RAPGEF4: variants seen among roughly 807,000 people sequenced by gnomAD.
RAPGEF4 encodes the protein RAP guanine-nucleotide-exchange factor (GEF) 4.
A neutral mutation model predicts 147.9 loss-of-function variants in RAPGEF4; 66 were observed. The observed-to-expected ratio is 0.45, with a 90% CI of 0.37 to 0.55. The LOEUF is 0.55. Among genes scored for constraint, RAPGEF4 ranks in the 20% least tolerant of loss-of-function variants. The pLI, the probability that RAPGEF4 is intolerant of heterozygous loss-of-function variation, is 0.00. For missense variants in RAPGEF4, 1,071 were observed against 1,257.3 expected (o/e 0.85, Z 2.24); for synonymous variants, 419 against 442.7 (o/e 0.95, Z 0.67).
intron 1 of RAPGEF4, among the ~76,000 whole-genome samples, chr2:172,780,958 A>T (rs1684628142): frequency 6.6e-6 from 1 of 152,140 alleles, no homozygotes; most frequent in South Asian, 2.1e-4. Flanking sequence ...CACTTCTTTC[A>T]TATTCATAAC....
intron 4 of RAPGEF4, among the ~76,000 whole-genome samples, chr2:172,816,644 A>G (rs1047784736): frequency 6.6e-5 from 10 of 152,188 alleles, no homozygotes; most frequent in African/African-American, 1.4e-4. Context: ...TGTCCTTGCT[A>G]TCTAAAACCT....
rs200860758 is a variant in RAPGEF4, at chr2:172,814,280, A to T, written c.299A>T (p.Asp100Val). The change falls in exon 4 of 31, where the codon GAT (aspartate) becomes GTT (valine). Residue 100 changes from aspartate (D) to valine (V), a missense_variant and splice_region_variant. Coordinates refer to ENST00000397081, the MANE Select transcript of RAPGEF4 (RefSeq NM_007023.4). ...TGACTAGTTTTTTGGGATCCTCAGG[A>T]TGCTGTGACCATCTGTACCCTGGGA... ...VKVSETSSHQ[D>V]AVTICTLGIG... The T allele has an allele frequency of 3.1e-6, 5 of 1,614,150 alleles. No homozygotes were observed. The highest frequency in any genetic ancestry group is 3.4e-6 in the Non-Finnish European group (4 of 1,179,988).
At chr2:172,778,678 T>TGTATCCCA (rs1269580218) in intron 1 of RAPGEF4, among the ~76,000 whole-genome samples, 1 of 152,224 alleles carries the variant, frequency 6.6e-6, no homozygotes, top group Admixed American at 6.5e-5. Flanking sequence ...GCTTTAGAAC[T>TGTATCCCA]GTATTATTTT....
chr2:173,050,043 T>C (rs528837716), intron 30 of RAPGEF4, among the ~76,000 whole-genome samples: 132 of 152,330 alleles, frequency 8.7e-4, no homozygotes, highest in Admixed American at 1.9e-3. Flanking sequence ...TAATATGCTT[T>C]GTTTTATGAG....
intron 6 of RAPGEF4, among the ~76,000 whole-genome samples, chr2:172,942,311 A>G (rs1393900018): frequency 6.6e-6 from 1 of 151,494 alleles, no homozygotes; most frequent in Non-Finnish European, 1.5e-5. Context: ...TTCTGGTAAT[A>G]TATTTTTAAA....
At chr2:172,847,369 G>A (rs1692313508) in intron 4 of RAPGEF4, among the ~76,000 whole-genome samples, 2 of 152,188 alleles carry the variant, frequency 1.3e-5, no homozygotes, top group Non-Finnish European at 1.5e-5. Flanking sequence ...CAGGGTGACT[G>A]TACCCAGATG....
At chr2:172,906,277 G>A (rs1699620326) in intron 4 of RAPGEF4, among the ~76,000 whole-genome samples, 1 of 152,116 alleles carries the variant, frequency 6.6e-6, no homozygotes, top group Non-Finnish European at 1.5e-5. Flanking sequence ...GAACCTAGTG[G>A]AACATAATGA....
At position 173,017,207 on chromosome 2, in the gene RAPGEF4, A is replaced by C; in HGVS notation, c.1929+3A>C. Reference sequence around the variant, plus strand: ...ATGCAAAGGCACCACAAAAGAAGGTAGGTGGCATGAACTTGCATTCTCTGT... The same window carrying C: ...ATGCAAAGGCACCACAAAAGAAGGTCGGTGGCATGAACTTGCATTCTCTGT... On this transcript the variant is annotated splice_donor_region_variant and intron_variant, in intron 20 of 30. Coordinates refer to ENST00000397081, the MANE Select transcript of RAPGEF4 (RefSeq NM_007023.4). 6.2e-7 allele frequency: 1 copy of C among 1,612,916 alleles called. No individual in the cohort carries two copies. Among genetic ancestry groups the C allele is most frequent in the Non-Finnish European group, 8.5e-7 (1 of 1,178,818 alleles).
intron 4 of RAPGEF4, among the ~76,000 whole-genome samples, chr2:172,860,796 T>C (rs3769295): frequency 0.15 from 23,533 of 152,206 alleles, 2,167 homozygotes; most frequent in East Asian, 0.25. Context: ...TATTGTTTCA[T>C]ATCTGTTATT....
intron 1 of RAPGEF4, among the ~76,000 whole-genome samples, chr2:172,738,704 A>G (rs947642504): frequency 7.2e-5 from 11 of 152,180 alleles, no homozygotes; most frequent in African/African-American, 2.7e-4. Flanking sequence ...CAATGAACCC[A>G]TGTGGGTTCA....
At chr2:172,874,658 T>C (rs568495563) in intron 4 of RAPGEF4, among the ~76,000 whole-genome samples, 1 of 152,294 alleles carries the variant, frequency 6.6e-6, no homozygotes, top group African/African-American at 2.4e-5. Context: ...TGTTGGACAT[T>C]TGGGTTGGTT....
intron 10 of RAPGEF4, 81 bp from the exon 11 acceptor site, chr2:172,983,415 T>G: frequency 6.5e-7 from 1 of 1,543,964 alleles, no homozygotes; most frequent in Non-Finnish European, 8.6e-7. Flanking sequence ...AGCATGTTAC[T>G]GATGCCTGGA....
intron 4 of RAPGEF4, among the ~76,000 whole-genome samples, chr2:172,815,111 C>T (rs573215695): frequency 2.0e-5 from 3 of 152,346 alleles, no homozygotes; most frequent in South Asian, 4.1e-4. Context: ...CTTTTACACT[C>T]GTTCTTTTCA....
intron 16 of RAPGEF4, among the ~76,000 whole-genome samples, chr2:173,000,072 GT>G (rs1693752205): frequency 6.6e-6 from 1 of 152,170 alleles, no homozygotes. Flanking sequence ...GGTGCTAGAT[GT>G]TAAGCTCAGG....
In RAPGEF4 at chr2:173,044,120, G is replaced by A. The variant is rs141070880; in HGVS notation, c.2854-4480G>A. 3.9e-3 allele frequency among the ~76,000 whole-genome samples: 596 copies of A among 152,272 alleles called. 2 individuals carry two copies. The highest frequency in any genetic ancestry group is 0.014 in the African/African-American group (566 of 41,548). On this transcript the variant is annotated intron_variant, in intron 29 of 30. Coordinates refer to ENST00000397081, the MANE Select transcript of RAPGEF4 (RefSeq NM_007023.4). ...ACAGAGTAGCACTCACAGAGTGCTG[G>A]CCGGCTCTATTTATACCTACTCTAG...
At position 172,965,458 on chromosome 2, in the gene RAPGEF4, G is replaced by A. The variant is rs78098235; in HGVS notation, c.699-104G>A. 5.4e-5 allele frequency: 70 copies of A among 1,299,690 alleles called. No individual in the cohort carries two copies. In the East Asian group the frequency reaches 1.5e-3, roughly 28 times the overall value. 80.5% of individuals were successfully genotyped at this position (1,299,690 alleles called of 1,614,324 possible). A position where few individuals can be genotyped will look rare whatever the true frequency, so the allele number is the denominator to read the frequency against. ...TTTGCCATGAGACCTCTTCTGGTAG[G>A]AGATCATTAAGCCCTTTGGTAGGTT... is the stretch of plus-strand genomic sequence containing the variant. On this transcript the variant is annotated intron_variant, in intron 8 of 30. Coordinates refer to ENST00000397081, the MANE Select transcript of RAPGEF4 (RefSeq NM_007023.4).
At chr2:172,934,204 C>T (rs1436722947) in intron 6 of RAPGEF4, among the ~76,000 whole-genome samples, 4 of 123,240 alleles carry the variant, frequency 3.2e-5, no homozygotes, top group Non-Finnish European at 6.3e-5. Context: ...GGCTGGAGTG[C>T]GATGGCGCAA....
chr2:172,811,349 T>C (rs568272406), intron 3 of RAPGEF4, among the ~76,000 whole-genome samples: 3 of 152,362 alleles, frequency 2.0e-5, no homozygotes, highest in Admixed American at 1.3e-4. Context: ...TTTACTTCCC[T>C]TTTGAAAGTT....
In RAPGEF4 at chr2:172,838,882, T is replaced by C. The variant is rs74982963; in HGVS notation, c.444+24457T>C. Among the ~76,000 whole-genome samples, 838 of 152,202 alleles carry C rather than the reference T, an allele frequency of 5.5e-3. 5 individuals carry two copies. Among genetic ancestry groups the C allele is most frequent in the Non-Finnish European group, 9.5e-3 (649 of 68,016 alleles). ...CCAAAACCTATTTATTTGAACCATA[T>C]GTTGTTCTTTACTGCACTTATTTTT... On this transcript the variant is annotated intron_variant, in intron 4 of 30. Transcript: ENST00000397081.
Sources: allele counts gnomAD v4.1 joint callset (sites outside exome capture counted in the v4.1 genomes callset), GRCh38; gene constraint gnomAD v4.1.1; transcripts MANE v1.5; gene names NCBI Gene and HGNC (gene_info 2026-07-23, HGNC 2026-07-21).